Variants in MCTP1 observed in about 807,000 individuals in gnomAD.
MCTP1 encodes the protein multiple C2 and transmembrane domain containing 1.
A neutral mutation model predicts 120.6 loss-of-function variants in MCTP1; 69 were observed. The observed-to-expected ratio is 0.57, with a 90% confidence interval of 0.47 to 0.70. The LOEUF is 0.70. Among genes scored for constraint, MCTP1 ranks in the 30% least tolerant of loss-of-function variants. MCTP1 has a pLI of 0.00. For synonymous variants in MCTP1, 529 were observed against 493.1 expected, an observed-to-expected ratio of 1.07 and a Z score of -0.96; for missense variants, 1,203 against 1,248.8, an observed-to-expected ratio of 0.96 and a Z score of 0.55.
At chr5:95,158,311 A>T (rs1490491577) in intron 1 of MCTP1, among the ~76,000 whole-genome samples, 1 of 152,042 alleles carries the variant, frequency 6.6e-6, no homozygotes, top group Non-Finnish European at 1.5e-5. Flanking sequence ...TTTTTGATGG[A>T]TTTCACTTTC....
intron 1 of MCTP1, among the ~76,000 whole-genome samples, chr5:95,028,951 G>A (rs773809404): frequency 3.9e-5 from 6 of 152,292 alleles, no homozygotes; most frequent in South Asian, 2.1e-4. Context: ...GTGAGGTCAG[G>A]AGTTCGAGAC....
At chr5:94,796,623 AATATATATTATATATGTAATATATATT>A (rs1356629760) in intron 18 of MCTP1, among the ~76,000 whole-genome samples, 8 of 92,684 alleles carry the variant, frequency 8.6e-5, no homozygotes, top group African/African-American at 1.8e-4. Flanking sequence ...TAATATATAT[AATATATATTATATATGTAATATATATT>A]ATATATATTA....
intron 1 of MCTP1, among the ~76,000 whole-genome samples, chr5:95,048,197 T>C (rs1160106004): frequency 1.3e-5 from 2 of 152,200 alleles, no homozygotes; most frequent in Admixed American, 6.5e-5. Flanking sequence ...CTGATGTCTT[T>C]TTAATCTTTT....
chr5:94,805,632 A>G (rs1459081385), intron 17 of MCTP1, among the ~76,000 whole-genome samples: 1 of 152,048 alleles, frequency 6.6e-6, no homozygotes, highest in East Asian at 1.9e-4. Context: ...TGTCTCAAAA[A>G]ATATATGTAA....
intron 17 of MCTP1, among the ~76,000 whole-genome samples, chr5:94,846,635 C>T (rs971277025): frequency 4.6e-5 from 7 of 152,130 alleles, no homozygotes; most frequent in African/African-American, 1.4e-4. Context: ...CAAACCTACA[C>T]GTCACCCTAA....
intron 19 of MCTP1, among the ~76,000 whole-genome samples, chr5:94,744,954 A>C (rs759608739): frequency 1.3e-5 from 2 of 152,236 alleles, no homozygotes; most frequent in Non-Finnish European, 2.9e-5. Context: ...AACTTGGACA[A>C]GTCCAAGGGC....
chr5:95,224,423 C>T (rs1376579920), intron 1 of MCTP1, among the ~76,000 whole-genome samples: 1 of 152,072 alleles, frequency 6.6e-6, no homozygotes, highest in Admixed American at 6.5e-5. Context: ...AGAATCAGTC[C>T]ACCATCCAAT....
intron 1 of MCTP1, among the ~76,000 whole-genome samples, chr5:95,168,296 T>C (rs924727580): frequency 1.3e-5 from 2 of 152,232 alleles, no homozygotes; most frequent in Admixed American, 6.5e-5. Flanking sequence ...TTGGTTACTG[T>C]AGCCTTGTAG....
chr5:94,914,143 C>T (rs1479284322), intron 8 of MCTP1, among the ~76,000 whole-genome samples: 1 of 152,132 alleles, frequency 6.6e-6, no homozygotes, highest in East Asian at 1.9e-4. Context: ...AATGTGAAAA[C>T]ATTTTCAATC....
rs540327096 is a variant in MCTP1, at chr5:95,251,053, CT to C, written c.720+32802del. Among the ~76,000 whole-genome samples the C allele has an allele frequency of 2.2e-3, 328 of 152,238 alleles. 1 individual carries two copies. Among genetic ancestry groups the C allele is most frequent in the South Asian group, 0.014 (67 of 4,832 alleles). ...AAAGCCCATGCTCTCATGAAACTTA[CT>C]TTTGGTAAACACAGATTTAGCAAAC... On this transcript the variant is annotated intron_variant, in intron 1 of 22. Transcript: ENST00000515393.
intron 1 of MCTP1, among the ~76,000 whole-genome samples, chr5:95,142,063 T>G (rs1212767469): frequency 6.6e-6 from 1 of 152,162 alleles, no homozygotes; most frequent in Non-Finnish European, 1.5e-5. Flanking sequence ...CATTTCAAAA[T>G]TATTTCTTCA....
Position 95,045,533 on chromosome 5 carries a change from G to A in MCTP1, c.721-28049C>T, listed in dbSNP as rs769871101. The stretch of plus-strand genomic sequence containing the variant: ...CTAGAGGCCTACGGCTTAGAGAGAC[G>A]AAAACATAGTTTAAGAAGGGAACAA... On this transcript the variant is annotated intron_variant, in intron 1 of 22. Coordinates refer to ENST00000515393, the MANE Select transcript of MCTP1 (RefSeq NM_024717.7). Among the ~76,000 whole-genome samples the A allele has an allele frequency of 2.6e-4, 39 of 152,230 alleles. No homozygotes were observed. In the East Asian group the frequency reaches 5.4e-3, roughly 21 times the overall value.
intron 18 of MCTP1, among the ~76,000 whole-genome samples, chr5:94,786,970 A>G (rs1777864777): frequency 6.6e-6 from 1 of 152,212 alleles, no homozygotes; most frequent in Non-Finnish European, 1.5e-5. Context: ...TGACATTTTC[A>G]TGTTCCATTC....
chr5:94,836,020 C>T (rs994797616), intron 17 of MCTP1, among the ~76,000 whole-genome samples: 1 of 148,132 alleles, frequency 6.8e-6, no homozygotes, highest in Non-Finnish European at 1.5e-5. Flanking sequence ...AACAAACAAA[C>T]AAACAAAAAA....
chr5:95,104,784 C>A (rs949927686), intron 1 of MCTP1, among the ~76,000 whole-genome samples: 1 of 152,156 alleles, frequency 6.6e-6, no homozygotes, highest in Non-Finnish European at 1.5e-5. Flanking sequence ...CAGCACTTAT[C>A]AAATTTCTGA....
chr5:95,160,977 T>C (rs79416814), intron 1 of MCTP1, among the ~76,000 whole-genome samples: 257 of 152,306 alleles, frequency 1.7e-3, no homozygotes, highest in Non-Finnish European at 3.2e-3. Flanking sequence ...AAGGGAACTC[T>C]TGTGAACTGT....
intron 7 of MCTP1, among the ~76,000 whole-genome samples, chr5:94,920,874 T>C (rs1180679631): frequency 6.6e-6 from 1 of 152,100 alleles, no homozygotes; most frequent in Admixed American, 6.5e-5. Flanking sequence ...GGTACTCTGA[T>C]ATAACTTCTA....
At chr5:95,277,776 T>C (rs1759970730) in intron 1 of MCTP1, among the ~76,000 whole-genome samples, 1 of 152,216 alleles carries the variant, frequency 6.6e-6, no homozygotes, top group East Asian at 1.9e-4. Flanking sequence ...GGTCCACTTG[T>C]CTATATTTGT....
chr5:94,767,847 T>A (rs1211932307), intron 19 of MCTP1, among the ~76,000 whole-genome samples: 3 of 152,156 alleles, frequency 2.0e-5, no homozygotes, highest in Non-Finnish European at 4.4e-5. Context: ...GTCTACAGAT[T>A]CAATGCAATC....
Sources: allele counts gnomAD v4.1 joint callset (sites outside exome capture counted in the v4.1 genomes callset), GRCh38; gene constraint gnomAD v4.1.1; transcripts MANE v1.5; gene names NCBI Gene and HGNC (gene_info 2026-07-23, HGNC 2026-07-21).